CEP43: variants seen among roughly 807,000 people sequenced by gnomAD.
CEP43 encodes the protein centrosomal protein 43, also known as FGFR1 oncogene partner.
CEP43 carries 36 observed loss-of-function variants against 52.6 expected under a neutral mutation model. The ratio of observed to expected loss-of-function variants is 0.68; its 90% CI spans 0.52 to 0.90. CEP43 has a LOEUF of 0.90. Among genes scored for constraint, CEP43 ranks in the 40% least tolerant of loss-of-function variants. CEP43 has a pLI of 0.00. For missense variants in CEP43, 506 were observed against 472.8 expected (o/e 1.07, Z -0.65); for synonymous variants, 192 against 172.4 (o/e 1.11, Z -0.89).
chr6:167,044,993 T>C lies in CEP43; in HGVS notation c.*5015T>C, dbSNP rs1780770240. The stretch of plus-strand genomic sequence containing the variant: ...TGGACAGTGGCATGCAGGAGGCCAG[T>C]CATTCTGCGGTTTTAGCTGGAGGTT... On this transcript the variant is annotated 3_prime_UTR_variant, in exon 13 of 13. Coordinates refer to ENST00000366847, the MANE Select transcript of CEP43 (RefSeq NM_007045.4). 6.6e-6 allele frequency: 1 copy of C among 152,332 alleles called. No individual in the cohort carries two copies. Among genetic ancestry groups the C allele is most frequent in the African/African-American group, 2.4e-5 (1 of 41,466 alleles). The allele number at this position is 152,332 out of a possible 1,614,324, so 9.4% of individuals were successfully genotyped here. A position where few individuals can be genotyped will look rare whatever the true frequency, so the allele number is the denominator to read the frequency against.
At chr6:167,009,154 G>T (rs1169563524) in intron 5 of CEP43, among the ~76,000 whole-genome samples, 1 of 151,728 alleles carries the variant, frequency 6.6e-6, no homozygotes, top group African/African-American at 2.4e-5. Context: ...CGCTTTGGGA[G>T]GCCAAGGCGG....
At chr6:167,005,735 A>G (rs746014764) in intron 5 of CEP43, among the ~76,000 whole-genome samples, 7 of 152,202 alleles carry the variant, frequency 4.6e-5, no homozygotes, top group Non-Finnish European at 7.3e-5. Flanking sequence ...GCAATCAAAA[A>G]CAAACTAAAG....
At chr6:167,025,672 A>C (rs904770626) in intron 9 of CEP43, among the ~76,000 whole-genome samples, 4 of 152,226 alleles carry the variant, frequency 2.6e-5, no homozygotes, top group African/African-American at 9.6e-5. Context: ...TAGGGCACAT[A>C]AGAGAGCCGG....
chr6:167,011,053 A>T (rs1336553056), intron 6 of CEP43, among the ~76,000 whole-genome samples, 160 bp downstream of exon 6: 1 of 151,614 alleles, frequency 6.6e-6, no homozygotes, highest in African/African-American at 2.4e-5. Flanking sequence ...AGTATACATT[A>T]AAAAAAAAGT....
intron 12 of CEP43, among the ~76,000 whole-genome samples, chr6:167,035,629 C>A (rs1780567718): frequency 6.6e-6 from 1 of 151,542 alleles, no homozygotes; most frequent in Admixed American, 6.6e-5. Context: ...TGCAGTGGCG[C>A]TATCTCAGCT....
chr6:166,999,521 C>G lies in CEP43; in HGVS notation c.102+7C>G, dbSNP rs1287602133. On this transcript the variant is annotated splice_region_variant and intron_variant, in intron 1 of 12. Transcript: ENST00000366847. The stretch of plus-strand genomic sequence containing the variant: ...GGTCCTGAACCGCATCAAGGTGAGG[C>G]CGGAGGCTGGGGCCGGGCCTGGCGG... 28 of 1,428,310 alleles carry G rather than the reference C, an allele frequency of 2.0e-5. No individual in the cohort carries two copies. Among genetic ancestry groups the G allele is most frequent in the Non-Finnish European group, 2.6e-5 (28 of 1,083,242 alleles). 88.5% of individuals were successfully genotyped at this position (1,428,310 alleles called of 1,614,324 possible). A position where few individuals can be genotyped will look rare whatever the true frequency, so the allele number is the denominator to read the frequency against.
rs1780659890 is a variant in CEP43 at position 167,039,975 on chromosome 6, A to G, written c.1197A>G (p.Ala399=). The G allele has an allele frequency of 1.9e-6, 3 of 1,614,056 alleles. No homozygotes were observed. The highest frequency in any genetic ancestry group is 1.3e-5 in the African/African-American group (1 of 75,002). Residue 399 remains alanine (A), a synonymous_variant, in exon 13 of 13, where the codon GCA becomes GCG. Transcript: ENST00000366847. ...TTGCGGATTATCTGGAAGATGTTGC[A>G]TAGACACGAAGAAGGAAGTATTCTA... ...SDVADYLEDV[A]
At position 167,045,577 on chromosome 6, in the gene CEP43, G is replaced by GAAAA. The variant is rs994894384; in HGVS notation, c.*5604_*5607dup. 1 of 151,800 alleles carries GAAAA rather than the reference G, an allele frequency of 6.6e-6. No homozygotes were observed. The highest frequency in any genetic ancestry group is 1.5e-5 in the Non-Finnish European group (1 of 67,964). 9.4% of individuals were successfully genotyped at this position (151,800 alleles called of 1,614,324 possible). On this transcript the variant is annotated 3_prime_UTR_variant, in exon 13 of 13. Coordinates refer to ENST00000366847, the MANE Select transcript of CEP43 (RefSeq NM_007045.4). ...AAAACCCATCTCTACTAAAAATACA[G>GAAAA]AAAAAAAATGAGCTGGGTGCGATGG...
At position 167,045,137 on chromosome 6, in the gene CEP43, G is replaced by C. The variant is rs1434001433; in HGVS notation, c.*5159G>C. On this transcript the variant is annotated 3_prime_UTR_variant, in exon 13 of 13. Transcript: ENST00000366847. ...TTTTTTTTTTTGAGACTGAGTCACT[G>C]TCGCCCAGGCTGGAGTGCAGTGGTA... 6 of 141,302 alleles carry C rather than the reference G, an allele frequency of 4.2e-5. No individual in the cohort carries two copies. The highest frequency in any genetic ancestry group is 4.2e-4 in the East Asian group (2 of 4,816). 8.8% of individuals were successfully genotyped at this position (141,302 alleles called of 1,614,324 possible).
At chr6:167,035,671 A>AT (rs1172831511) in intron 12 of CEP43, among the ~76,000 whole-genome samples, 1 of 151,202 alleles carries the variant, frequency 6.6e-6, no homozygotes, top group African/African-American at 2.4e-5. Flanking sequence ...GGTTCATGCC[A>AT]TTCTGCTGCC....
At position 167,041,891 on chromosome 6, in the gene CEP43, T is replaced by A; in HGVS notation, c.*1913T>A. ...CAGACTGGAGTACAGTGATGCGATC[T>A]CGGCTCACTGCAACCTCCGCCTCCT... is the stretch of plus-strand genomic sequence containing the variant. On this transcript the variant is annotated 3_prime_UTR_variant, in exon 13 of 13. Coordinates refer to ENST00000366847, the MANE Select transcript of CEP43 (RefSeq NM_007045.4). 1 of 713,710 alleles carries A rather than the reference T, an allele frequency of 1.4e-6. No individual in the cohort carries two copies. The highest frequency in any genetic ancestry group is 1.7e-6 in the Non-Finnish European group (1 of 574,538). 44.2% of individuals were successfully genotyped at this position (713,710 alleles called of 1,614,324 possible). A position where few individuals can be genotyped will look rare whatever the true frequency, so the allele number is the denominator to read the frequency against.
chr6:167,019,060 C>T (rs1780165115), intron 7 of CEP43, among the ~76,000 whole-genome samples: 1 of 152,194 alleles, frequency 6.6e-6, no homozygotes, highest in Non-Finnish European at 1.5e-5. Context: ...CCACGGCTTC[C>T]AGTCAGCCAC....
intron 5 of CEP43, among the ~76,000 whole-genome samples, chr6:167,007,251 G>A (rs1334495529): frequency 6.6e-6 from 1 of 152,178 alleles, no homozygotes; most frequent in African/African-American, 2.4e-5. Flanking sequence ...TGTGTAGTGG[G>A]TGTGATGTGA....
chr6:167,001,143 C>G (rs1389457549), intron 2 of CEP43, among the ~76,000 whole-genome samples: 1 of 152,190 alleles, frequency 6.6e-6, no homozygotes, highest in Admixed American at 6.5e-5. Context: ...GTCCTCCTCT[C>G]CTGTCCCTCA....
At chr6:167,037,415 A>G (rs1486248592) in intron 12 of CEP43, among the ~76,000 whole-genome samples, 1 of 152,230 alleles carries the variant, frequency 6.6e-6, no homozygotes, top group Non-Finnish European at 1.5e-5. Flanking sequence ...TGTAATAATG[A>G]TGGGAAGAGA....
chr6:167,022,134 G>C (rs1271421130), intron 7 of CEP43, among the ~76,000 whole-genome samples: 1 of 152,024 alleles, frequency 6.6e-6, no homozygotes, highest in Non-Finnish European at 1.5e-5. Flanking sequence ...AAAGAGGAAA[G>C]GAATGGTATT....
rs1780760627 is a variant in CEP43 at position 167,044,385 on chromosome 6, A to G, written c.*4407A>G. The G allele has an allele frequency of 1.0e-6, 1 of 985,352 alleles. No individual in the cohort carries two copies. Among genetic ancestry groups the G allele is most frequent in the Non-Finnish European group, 1.2e-6 (1 of 829,846 alleles). 61.0% of individuals were successfully genotyped at this position (985,352 alleles called of 1,614,324 possible). A position where few individuals can be genotyped will look rare whatever the true frequency, so the allele number is the denominator to read the frequency against. ...AATCAGTAAGCTCAAAGGCAATTTC[A>G]AAGAAATCTTTATGTTTAGCAAGAA... On this transcript the variant is annotated 3_prime_UTR_variant, in exon 13 of 13. Transcript: ENST00000366847.
intron 8 of CEP43, among the ~76,000 whole-genome samples, chr6:167,023,173 CAGAG>C (rs1047295746): frequency 6.6e-6 from 1 of 151,998 alleles, no homozygotes; most frequent in Non-Finnish European, 1.5e-5. Context: ...TTGGGGGTAG[CAGAG>C]AGAGCAAGAT....
Position 167,022,614 on chromosome 6 carries a change from A to G in CEP43, c.785A>G (p.Lys262Arg), listed in dbSNP as rs768274661. ...TCTTTCTTTGATGATCCCATTCCTA[A>G]GCCAGAGAAAACTTACGGTTTGTGA... ...GDSFFDDPIP[K>R]PEKTYGLRKE... The change falls in exon 8 of 13, where the codon AAG (lysine) becomes AGG (arginine). Residue 262 changes from lysine to arginine, a missense_variant. By Grantham distance (26) the Lys-to-Arg change is conservative. Coordinates refer to ENST00000366847, the MANE Select transcript of CEP43 (RefSeq NM_007045.4). 1.2e-6 allele frequency: 2 copies of G among 1,613,742 alleles called. No individual in the cohort carries two copies. The highest frequency in any genetic ancestry group is 2.2e-5 in the South Asian group (2 of 91,046).
Sources: gnomAD v4.1 joint callset for allele counts (sites outside exome capture counted in the v4.1 genomes callset) on GRCh38, gnomAD v4.1.1 for gene constraint, MANE v1.5 for transcripts, NCBI Gene and HGNC (gene_info 2026-07-23, HGNC 2026-07-21) for gene names.